MAD1L1: variants seen among roughly 807,000 people sequenced by gnomAD.
MAD1L1 encodes mitotic spindle assembly checkpoint protein MAD1.
In MAD1L1, 95 loss-of-function variants were observed where a neutral mutation model predicts 96.9. The observed-to-expected ratio is 0.98, with a 90% confidence interval of 0.83 to 1.16. MAD1L1 has a LOEUF of 1.16. Among genes scored for constraint, MAD1L1 ranks in the 50% most tolerant of loss-of-function variants. The probability of loss-of-function intolerance (pLI) is 0.00; values close to 1 mark genes in which losing one functional copy is unlikely to be tolerated. For synonymous variants in MAD1L1, 473 were observed against 396.6 expected (o/e 1.19, Z -2.29); for missense variants, 1,007 against 954.4 (o/e 1.06, Z -0.73).
chr7:2,217,253 C>A (rs1298492597), intron 7 of MAD1L1, among the ~76,000 whole-genome samples: 1 of 152,230 alleles, frequency 6.6e-6, no homozygotes, highest in Non-Finnish European at 1.5e-5. Flanking sequence ...ACTGAACAGG[C>A]AGAGTATGAA....
chr7:1,980,449 G>T lies in MAD1L1; in HGVS notation c.1505+4C>A, dbSNP rs765979478. 2.1e-5 allele frequency: 34 copies of T among 1,587,644 alleles called. No individual in the cohort carries two copies. The highest frequency in any genetic ancestry group is 3.6e-5 in the Admixed American group (2 of 54,888). On this transcript the variant is annotated splice_donor_region_variant and intron_variant, in intron 15 of 18. Coordinates refer to ENST00000265854, the MANE Select transcript of MAD1L1 (RefSeq NM_001013836.2). ...CGTGTCCGCCTCCTCTCTGGGGGAC[G>T]TACCTGAGCGTGTCCGCCTCCTCCC...
chr7:2,202,760 C>T (rs75359055), intron 10 of MAD1L1, among the ~76,000 whole-genome samples: 3 of 152,200 alleles, frequency 2.0e-5, no homozygotes, highest in Non-Finnish European at 2.9e-5. Context: ...TTACAAATCA[C>T]GCGCACGGTA....
chr7:2,106,105 G>A (rs1787084225), intron 11 of MAD1L1, among the ~76,000 whole-genome samples: 3 of 101,656 alleles, frequency 3.0e-5, no homozygotes, highest in African/African-American at 7.0e-5. Context: ...ACACAGCCCC[G>A]CCCCTCCACC....
At chr7:1,817,292 CAG>C (rs1562420510) in intron 18 of MAD1L1, among the ~76,000 whole-genome samples, 1 of 152,170 alleles carries the variant, frequency 6.6e-6, no homozygotes, top group Non-Finnish European at 1.5e-5. Context: ...GAGCTGGACG[CAG>C]AGTCCATGGG....
intron 11 of MAD1L1, among the ~76,000 whole-genome samples, chr7:2,095,446 A>T (rs1310328757): frequency 1.3e-5 from 2 of 152,260 alleles, no homozygotes; most frequent in Admixed American, 6.5e-5. Context: ...CTTAACTTCA[A>T]ATAGCAGAAG....
At chr7:1,938,310 C>A (rs1379392824) in intron 16 of MAD1L1, among the ~76,000 whole-genome samples, 4 of 152,152 alleles carry the variant, frequency 2.6e-5, no homozygotes, top group African/African-American at 9.7e-5. Flanking sequence ...ACACCTGAGA[C>A]CCCGACCTCA....
At chr7:2,131,614 T>C (rs1455750307) in intron 11 of MAD1L1, among the ~76,000 whole-genome samples, 1 of 152,220 alleles carries the variant, frequency 6.6e-6, no homozygotes, top group Non-Finnish European at 1.5e-5. Flanking sequence ...TCCTCACAAA[T>C]GTGCTGGAAC....
intron 16 of MAD1L1, among the ~76,000 whole-genome samples, chr7:1,945,026 G>A (rs558063598): frequency 1.4e-4 from 22 of 152,298 alleles, no homozygotes; most frequent in Admixed American, 1.0e-3. Flanking sequence ...CACCTGGGCC[G>A]TCGGCCACTG....
intron 16 of MAD1L1, among the ~76,000 whole-genome samples, chr7:1,947,984 G>C (rs914219978): frequency 7.9e-5 from 12 of 152,248 alleles, no homozygotes; most frequent in Admixed American, 2.0e-4. Context: ...GAGGGACAGA[G>C]GCCATGCTGC....
chr7:1,856,227 G>A (rs1784243176), intron 18 of MAD1L1, among the ~76,000 whole-genome samples: 3 of 152,214 alleles, frequency 2.0e-5, no homozygotes, highest in Admixed American at 6.5e-5. Flanking sequence ...TGGCTGGACC[G>A]GGGAGGGGTG....
chr7:2,092,578 C>T (rs1786274221), intron 11 of MAD1L1, among the ~76,000 whole-genome samples: 1 of 152,090 alleles, frequency 6.6e-6, no homozygotes, highest in South Asian at 2.1e-4. Context: ...CCCTCACACA[C>T]CTGCCCTCTG....
chr7:1,947,302 G>A (rs752613761), intron 16 of MAD1L1, among the ~76,000 whole-genome samples: 6 of 152,266 alleles, frequency 3.9e-5, no homozygotes, highest in East Asian at 1.9e-4. Context: ...GGAGGGAGGC[G>A]CCTGTCCCCG....
At chr7:1,891,596 G>C (rs1786543335) in intron 18 of MAD1L1, among the ~76,000 whole-genome samples, 1 of 152,012 alleles carries the variant, frequency 6.6e-6, no homozygotes, top group African/African-American at 2.4e-5. Context: ...ATTATTATTA[G>C]AGATGGGATC....
intron 18 of MAD1L1, among the ~76,000 whole-genome samples, chr7:1,887,143 C>G (rs1786087631): frequency 6.6e-6 from 1 of 152,190 alleles, no homozygotes; most frequent in African/African-American, 2.4e-5. Context: ...CTTTCCCTGC[C>G]TCCTCTGGAT....
chr7:1,830,268 A>G (rs1357958573), intron 18 of MAD1L1, among the ~76,000 whole-genome samples: 48 of 152,246 alleles, frequency 3.2e-4, no homozygotes, highest in Non-Finnish European at 6.0e-4. Context: ...GCAGTGGCAC[A>G]TCCCTGTAAT....
chr7:2,102,231 GCCACCA>G (rs982200552), intron 11 of MAD1L1, among the ~76,000 whole-genome samples: 226 of 132,356 alleles, frequency 1.7e-3, no homozygotes, highest in Non-Finnish European at 2.8e-3. Flanking sequence ...CGTCGCCACC[GCCACCA>G]CCACCACCGC....
At chr7:1,918,247 G>A (rs1323451654) in intron 17 of MAD1L1, among the ~76,000 whole-genome samples, 1 of 152,140 alleles carries the variant, frequency 6.6e-6, no homozygotes, top group Non-Finnish European at 1.5e-5. Flanking sequence ...CTGGTCTCTG[G>A]CCCTGCTGCA....
chr7:1,834,861 C>A (rs542192977), intron 18 of MAD1L1, among the ~76,000 whole-genome samples: 67 of 151,976 alleles, frequency 4.4e-4, no homozygotes, highest in South Asian at 2.7e-3. Flanking sequence ...AAGCCGCACC[C>A]CCCCAAAACT....
intron 14 of MAD1L1, among the ~76,000 whole-genome samples, chr7:1,983,377 G>T (rs1357251308): frequency 6.6e-6 from 1 of 152,196 alleles, no homozygotes; most frequent in African/African-American, 2.4e-5. Flanking sequence ...TGTGGTGGGG[G>T]AGAGCAGCCA....
Sources: gnomAD v4.1 joint callset for allele counts (sites outside exome capture counted in the v4.1 genomes callset) on GRCh38, gnomAD v4.1.1 for gene constraint, MANE v1.5 for transcripts, NCBI Gene and HGNC (gene_info 2026-07-23, HGNC 2026-07-21) for gene names.